Variants in ATF7IP2 observed in about 807,000 individuals in gnomAD.
ATF7IP2 encodes activating transcription factor 7-interacting protein 2.
A neutral mutation model predicts 64.2 loss-of-function variants in ATF7IP2; 42 were observed. That is an observed-to-expected ratio of 0.65 (90% CI 0.51 to 0.85). The LOEUF (loss-of-function observed/expected upper bound fraction) is 0.85, where lower values mean the gene tolerates loss of function less well. Among genes scored for constraint, ATF7IP2 ranks in the 40% least tolerant of loss-of-function variants. The pLI is 0.00. For synonymous variants in ATF7IP2, 308 were observed against 272.8 expected (o/e 1.13, Z -1.27); for missense variants, 933 against 784.2 (o/e 1.19, Z -2.27).
At position 10,431,293 on chromosome 16, in the gene ATF7IP2, G is replaced by A. The variant is rs1293766325; in HGVS notation, c.673G>A (p.Gly225Ser). The change falls in exon 5 of 14, where the codon GGT becomes AGT. Residue 225 changes from glycine to serine, a missense_variant. Coordinates refer to ENST00000562102, the MANE Select transcript of ATF7IP2 (RefSeq NM_001393719.1). The stretch of plus-strand genomic sequence containing the variant: ...CAACATTTTATGTTCAGAAGACTCA[G>A]GTTTTGTGCCTGTTGAGAAAACACC... ...SDNILCSEDS[G>S]FVPVEKTPNL... is the part of the protein sequence containing the mutation. The A allele has an allele frequency of 2.5e-6, 4 of 1,614,030 alleles. No individual in the cohort carries two copies. In the African/African-American group the frequency reaches 5.3e-5, roughly 22 times the overall value.
At chr16:10,449,667 TTTA>T (rs2048921866) in intron 8 of ATF7IP2, 2 of 152,212 alleles carry the variant, frequency 1.3e-5, no homozygotes, top group Admixed American at 6.5e-5. Flanking sequence ...TTTATGATTT[TTTA>T]TTGTGTCTAT....
At chr16:10,421,323 T>G (rs2047984763) in intron 3 of ATF7IP2, among the ~76,000 whole-genome samples, 1 of 152,236 alleles carries the variant, frequency 6.6e-6, no homozygotes, top group Admixed American at 6.5e-5. Flanking sequence ...GGATCTTTTC[T>G]ACTTATTTGA....
intron 9 of ATF7IP2, among the ~76,000 whole-genome samples, chr16:10,463,415 AC>A (rs2049439749): frequency 6.6e-6 from 1 of 152,336 alleles, no homozygotes; most frequent in Non-Finnish European, 1.5e-5. Context: ...GGCACAAGTG[AC>A]ATTATTTTTG....
chr16:10,432,397 A>G (rs1032744639), intron 5 of ATF7IP2, among the ~76,000 whole-genome samples: 2 of 152,214 alleles, frequency 1.3e-5, no homozygotes. Flanking sequence ...TCATTTAACA[A>G]GATGAATTTA....
chr16:10,388,370 T>C (rs2047247992), intron 1 of ATF7IP2, among the ~76,000 whole-genome samples: 1 of 152,226 alleles, frequency 6.6e-6, no homozygotes, highest in African/African-American at 2.4e-5. Flanking sequence ...GAACTTCTGA[T>C]TAAGCCATGA....
At chr16:10,388,730 G>A (rs556092742) in intron 1 of ATF7IP2, among the ~76,000 whole-genome samples, 1 of 152,304 alleles carries the variant, frequency 6.6e-6, no homozygotes, top group African/African-American at 2.4e-5. Context: ...ATATTTGTAG[G>A]CCGGGCGCGG....
intron 1 of ATF7IP2, among the ~76,000 whole-genome samples, chr16:10,408,245 G>A (rs566361655): frequency 6.6e-6 from 1 of 152,234 alleles, no homozygotes; most frequent in South Asian, 2.1e-4. Context: ...GTTGATTAAT[G>A]GGCATTTGGG....
At chr16:10,424,472 G>C (rs548869337) in intron 3 of ATF7IP2, among the ~76,000 whole-genome samples, 1 of 152,266 alleles carries the variant, frequency 6.6e-6, no homozygotes, top group African/African-American at 2.4e-5. Context: ...ACACGTAAAT[G>C]TGTTTTTAAA....
chr16:10,404,968 G>A (rs1188909835), intron 1 of ATF7IP2, among the ~76,000 whole-genome samples: 2 of 152,178 alleles, frequency 1.3e-5, no homozygotes, highest in Non-Finnish European at 2.9e-5. Context: ...ATAAATGAAG[G>A]AGAAATAGTT....
chr16:10,440,707 C>A (rs971267046), intron 8 of ATF7IP2, among the ~76,000 whole-genome samples: 1 of 152,190 alleles, frequency 6.6e-6, no homozygotes, highest in African/African-American at 2.4e-5. Context: ...CCCCCACCCC[C>A]ATTTTATCAT....
chr16:10,391,696 A>T (rs1434016921), intron 1 of ATF7IP2, among the ~76,000 whole-genome samples: 3 of 152,122 alleles, frequency 2.0e-5, no homozygotes, highest in Non-Finnish European at 2.9e-5. Flanking sequence ...TCAGGAGTTC[A>T]AGTCCAGCCT....
At chr16:10,427,610 C>T (rs1275092118) in intron 3 of ATF7IP2, among the ~76,000 whole-genome samples, 5 of 152,156 alleles carry the variant, frequency 3.3e-5, no homozygotes, top group Non-Finnish European at 5.9e-5. Flanking sequence ...AATCCCAGCA[C>T]TTTGGGAGGC....
At chr16:10,396,546 G>A (rs1409147241) in intron 1 of ATF7IP2, among the ~76,000 whole-genome samples, 1 of 151,948 alleles carries the variant, frequency 6.6e-6, no homozygotes, top group Admixed American at 6.6e-5. Context: ...TTTTCGAGAT[G>A]GAATCTTGCT....
chr16:10,423,221 G>A (rs1245049626), intron 3 of ATF7IP2, among the ~76,000 whole-genome samples: 1 of 152,182 alleles, frequency 6.6e-6, no homozygotes, highest in Non-Finnish European at 1.5e-5. Context: ...TCCAGCCTGG[G>A]TGACAGAGTG....
chr16:10,408,028 C>T (rs572701128), intron 1 of ATF7IP2, among the ~76,000 whole-genome samples: 11 of 152,134 alleles, frequency 7.2e-5, no homozygotes, highest in African/African-American at 2.7e-4. Context: ...TCTCCAGCCT[C>T]AGCCTCCCAA....
chr16:10,409,177 T>TC (rs2047701935), intron 1 of ATF7IP2, among the ~76,000 whole-genome samples: 1 of 152,124 alleles, frequency 6.6e-6, no homozygotes, highest in Non-Finnish European at 1.5e-5. Context: ...GTGGATATTT[T>TC]CCCAAATAAG....
At chr16:10,438,603 A>G (rs2048500673) in intron 7 of ATF7IP2, among the ~76,000 whole-genome samples, 1 of 152,150 alleles carries the variant, frequency 6.6e-6, no homozygotes, top group Non-Finnish European at 1.5e-5. Flanking sequence ...TCATATTAGC[A>G]AAGGAAAACA....
intron 1 of ATF7IP2, among the ~76,000 whole-genome samples, chr16:10,400,020 A>G (rs933291819): frequency 8.5e-5 from 13 of 152,110 alleles, no homozygotes; most frequent in African/African-American, 2.2e-4. Context: ...AATGCTACAC[A>G]TTTTAATTTG....
rs536265515 is a variant in ATF7IP2 at position 10,465,835 on chromosome 16, C to T, written c.1353-6275C>T. Among the ~76,000 whole-genome samples the T allele has an allele frequency of 4.6e-5, 7 of 152,078 alleles. No individual in the cohort carries two copies. The South Asian group carries it at 8.3e-4, about 18-fold the overall frequency. ...AAAATCTAGTGGAATTCCCGTTAGA[C>T]CATAAGTTTGCCATTTTACAAATGG... is the stretch of plus-strand genomic sequence containing the variant. On this transcript the variant is annotated intron_variant, in intron 9 of 13. Transcript: ENST00000562102.
Sources: allele counts gnomAD v4.1 joint callset (sites outside exome capture counted in the v4.1 genomes callset), GRCh38; gene constraint gnomAD v4.1.1; transcripts MANE v1.5; gene names NCBI Gene and HGNC (gene_info 2026-07-23, HGNC 2026-07-21).